NBEAL1: variants seen among roughly 807,000 people sequenced by gnomAD.
NBEAL1 encodes the protein neurobeachin like 1, also known as neurobeachin-like protein 1.
A neutral mutation model predicts 351.3 loss-of-function variants in NBEAL1; 273 were observed. The ratio of observed to expected loss-of-function variants is 0.78; its 90% confidence interval spans 0.70 to 0.86. The LOEUF is 0.86. NBEAL1 is among the 40% of genes least tolerant of loss of function. NBEAL1 has a pLI of 0.00. For synonymous variants in NBEAL1, 1,050 were observed against 1,086.4 expected, an observed-to-expected ratio of 0.97 and a Z score of 0.66; for missense variants, 2,961 against 3,201.3, an observed-to-expected ratio of 0.92 and a Z score of 1.81.
intron 3 of NBEAL1, among the ~76,000 whole-genome samples, chr2:203,048,380 CAAAAAAA>C (rs56116456): frequency 8.5e-6 from 1 of 117,046 alleles, no homozygotes; most frequent in Admixed American, 9.1e-5. Context: ...GACTCCATCT[CAAAAAAA>C]AAAAAAAAAA....
At chr2:203,083,576 A>G (rs2061909590) in intron 9 of NBEAL1, 51 bp downstream of exon 9, 2 of 1,354,744 alleles carry the variant, frequency 1.5e-6, no homozygotes, top group East Asian at 5.0e-5. Context: ...TTATTTTCAT[A>G]TCTACCACTT....
intron 2 of NBEAL1, chr2:203,040,650 T>C: frequency 1.5e-6 from 1 of 654,898 alleles, no homozygotes; most frequent in Non-Finnish European, 2.8e-6. Context: ...AGAAGTTTGG[T>C]GACATTTGCT....
chr2:203,083,366 A>G lies in NBEAL1; in HGVS notation c.832A>G (p.Ile278Val). The G allele has an allele frequency of 1.9e-6, 3 of 1,555,234 alleles. No homozygotes were observed. Among genetic ancestry groups the G allele is most frequent in the Non-Finnish European group, 2.6e-6 (3 of 1,147,962 alleles). Residue 278 changes from isoleucine to valine, a missense_variant, in exon 9 of 56, where the codon ATC (isoleucine) becomes GTC (valine). Coordinates refer to ENST00000683969, the MANE Select transcript of NBEAL1 (RefSeq NM_001378026.1). ...GAAGTGCCTTACAGAAGTGGTACAT[A>G]TCCTTCTCAGTAGCAACTCTGATCA... is the stretch of plus-strand genomic sequence containing the variant. ...TLKCLTEVVH[I>V]LLSSNSDQRQ...
chr2:203,213,874 C>A, intron 55 of NBEAL1: 1 of 709,024 alleles, frequency 1.4e-6, no homozygotes. Context: ...ATCTACCACT[C>A]TATAGGAATA....
chr2:203,161,360 G>A (rs917349869), intron 36 of NBEAL1, among the ~76,000 whole-genome samples: 3 of 150,532 alleles, frequency 2.0e-5, no homozygotes, highest in Non-Finnish European at 4.4e-5. Flanking sequence ...GCCAGGCGTG[G>A]TGGTTCACGC....
chr2:203,169,746 G>A lies in NBEAL1; in HGVS notation c.5998-1G>A. ...AAAGTATAAAATGCTGTTTTTTATA[G>A]GTTAGAAACAAAATATATAGCCGAC... On this transcript the variant is annotated splice_acceptor_variant, in intron 38 of 55. Transcript: ENST00000683969. LOFTEE classifies it high-confidence loss of function. The A allele has an allele frequency of 6.3e-7, 1 of 1,574,878 alleles. No homozygotes were observed. The highest frequency in any genetic ancestry group is 8.6e-7 in the Non-Finnish European group (1 of 1,157,808).
intron 28 of NBEAL1, 24 bp from the exon 29 acceptor site, chr2:203,136,575 A>T (rs758841816): frequency 2.7e-5 from 41 of 1,546,596 alleles, no homozygotes; most frequent in South Asian, 5.7e-5. Context: ...CTAGTTATTT[A>T]AAATTACTTT....
intron 46 of NBEAL1, chr2:203,191,318 T>TG: frequency 2.3e-6 from 1 of 426,026 alleles, no homozygotes; most frequent in Non-Finnish European, 4.0e-6. Context: ...ATTTGACAAC[T>TG]GAAAAAAAAA....
At chr2:203,101,477 T>C (rs2062319452) in intron 12 of NBEAL1, among the ~76,000 whole-genome samples, 1 of 152,232 alleles carries the variant, frequency 6.6e-6, no homozygotes, top group Non-Finnish European at 1.5e-5. Flanking sequence ...GCCTTGGCTA[T>C]TCAGGCTCTT....
chr2:203,110,112 C>A lies in NBEAL1; in HGVS notation c.1950-38C>A, dbSNP rs1441850940. The A allele has an allele frequency of 7.9e-6, 12 of 1,527,474 alleles. No individual in the cohort carries two copies. The Admixed American group carries it at 2.4e-4, about 30-fold the overall frequency. 94.6% of individuals were successfully genotyped at this position (1,527,474 alleles called of 1,614,324 possible). On this transcript the variant is annotated intron_variant, in intron 14 of 55. Coordinates refer to ENST00000683969, the MANE Select transcript of NBEAL1 (RefSeq NM_001378026.1). Reference sequence around the variant, plus strand: ...CTTTAATGATGATGAAACTGAACAACCAACTTTAAAAGTTCTGATAATACG... The same window carrying A: ...CTTTAATGATGATGAAACTGAACAAACAACTTTAAAAGTTCTGATAATACG...
At chr2:203,190,721 G>C in intron 46 of NBEAL1, 1 of 1,591,826 alleles carries the variant, frequency 6.3e-7, no homozygotes, top group South Asian at 1.1e-5. Flanking sequence ...AGGAGGCCAA[G>C]GTGCAACTTT....
chr2:203,202,653 G>A (rs751632466), intron 50 of NBEAL1, 34 bp from the exon 51 acceptor site: 1 of 1,215,860 alleles, frequency 8.2e-7, no homozygotes, highest in African/African-American at 1.5e-5. Context: ...AGCAAAACGA[G>A]GCATCTCATT....
chr2:203,048,122 T>C (rs1040156850), intron 3 of NBEAL1, among the ~76,000 whole-genome samples: 5 of 152,060 alleles, frequency 3.3e-5, no homozygotes, highest in Non-Finnish European at 7.4e-5. Flanking sequence ...TGCTTTGAGC[T>C]GGGCACGGTG....
Position 203,136,197 on chromosome 2 carries a change from G to A in NBEAL1, c.4334G>A (p.Ser1445Asn). The A allele has an allele frequency of 6.2e-7, 1 of 1,611,160 alleles. No individual in the cohort carries two copies. ...SFSVHSDRES[S>N]ITNDMGFSDD... is the part of the protein sequence containing the mutation. ...TCTGTGCACTCTGACAGAGAAAGCA[G>A]CATCACAAATGATATGGGCTTTAGT... is the stretch of plus-strand genomic sequence containing the variant. Residue 1445 changes from serine to asparagine, a missense_variant, in exon 28 of 56, where the codon AGC becomes AAC. Ser to Asn is a conservative substitution (Grantham distance 46). Coordinates refer to ENST00000683969, the MANE Select transcript of NBEAL1 (RefSeq NM_001378026.1).
chr2:203,085,850 C>A (rs1165606404), intron 10 of NBEAL1: 2 of 152,062 alleles, frequency 1.3e-5, no homozygotes, highest in East Asian at 3.8e-4. Flanking sequence ...AATTCCCATA[C>A]TTCCTAATGT....
chr2:203,094,247 C>G (rs1220984763), intron 10 of NBEAL1, among the ~76,000 whole-genome samples: 1 of 152,040 alleles, frequency 6.6e-6, no homozygotes, highest in East Asian at 1.9e-4. Flanking sequence ...ATAGGAGAAT[C>G]AAAGGTTTTA....
intron 35 of NBEAL1, among the ~76,000 whole-genome samples, chr2:203,152,837 A>T (rs2063694339): frequency 6.6e-6 from 1 of 151,446 alleles, no homozygotes; most frequent in Non-Finnish European, 1.5e-5. Context: ...GGAGCTCGAG[A>T]CCTCGAGCTG....
intron 46 of NBEAL1, 104 bp downstream of exon 46, chr2:203,190,493 T>G: frequency 2.4e-6 from 2 of 828,136 alleles, no homozygotes; most frequent in East Asian, 4.8e-5. Context: ...CCAGTTACTC[T>G]CAGTCACAGA....
At chr2:203,167,448 TC>T (rs2064170304) in intron 38 of NBEAL1, 88 bp downstream of exon 38, 1 of 1,292,450 alleles carries the variant, frequency 7.7e-7, no homozygotes, top group Non-Finnish European at 1.0e-6. Flanking sequence ...TGGGCTGTAT[TC>T]TTTTATCAAG....
Sources: allele counts gnomAD v4.1 joint callset (sites outside exome capture counted in the v4.1 genomes callset), GRCh38; gene constraint gnomAD v4.1.1; transcripts MANE v1.5; gene names NCBI Gene and HGNC (gene_info 2026-07-23, HGNC 2026-07-21).